The following GALK2 variants were observed in gnomAD, a reference collection of about 807,000 sequenced individuals.
GALK2 encodes the protein galactokinase 2, also known as N-acetylgalactosamine kinase.
In GALK2, 36 loss-of-function variants were observed where a neutral mutation model predicts 52.4. The observed-to-expected ratio is 0.69, with a 90% CI of 0.53 to 0.91. GALK2 has a LOEUF of 0.91. Ranked by LOEUF, GALK2 falls within the 40% of genes least tolerant of loss-of-function variation. GALK2 has a pLI of 0.00. For synonymous variants in GALK2, 176 were observed against 199.1 expected (o/e 0.88, Z 0.98); for missense variants, 579 against 559.1 (o/e 1.04, Z -0.36).
intron 3 of GALK2, among the ~76,000 whole-genome samples, chr15:49,347,930 A>T (rs1008299245): frequency 2.0e-5 from 3 of 149,622 alleles, no homozygotes; most frequent in African/African-American, 7.4e-5. Flanking sequence ...GAGGCAGGAG[A>T]ATTGTTTGAT....
chr15:49,261,282 C>T (rs530873072), intron 5 of GALK2, among the ~76,000 whole-genome samples: 1,495 of 147,824 alleles, frequency 0.01, 20 homozygotes, highest in African/African-American at 0.032. Context: ...AGGTCCTTCA[C>T]GTCCCTTGTA....
chr15:49,285,394 G>GC (rs1357307371), intron 7 of GALK2, among the ~76,000 whole-genome samples: 3 of 152,142 alleles, frequency 2.0e-5, no homozygotes, highest in Admixed American at 2.0e-4. Flanking sequence ...TGAAGGGATG[G>GC]CAGGAATTCA....
intron 9 of GALK2, among the ~76,000 whole-genome samples, chr15:49,322,263 C>T (rs1482895652): frequency 6.6e-6 from 1 of 152,156 alleles, no homozygotes; most frequent in Non-Finnish European, 1.5e-5. Context: ...AATTCAGGAG[C>T]TCCATCACTT....
At chr15:49,266,381 CAG>C (rs1292705421) in intron 5 of GALK2, among the ~76,000 whole-genome samples, 3 of 152,112 alleles carry the variant, frequency 2.0e-5, no homozygotes, top group East Asian at 1.9e-4. Context: ...GGAACGGAAA[CAG>C]AGAGGGGAAG....
At chr15:49,268,124 A>G (rs2092417202) in intron 5 of GALK2, among the ~76,000 whole-genome samples, 1 of 152,218 alleles carries the variant, frequency 6.6e-6, no homozygotes, top group Non-Finnish European at 1.5e-5. Context: ...TTTATCAACA[A>G]ATAGTTTAGG....
chr15:49,173,032 C>G (rs2085202924), intron 1 of GALK2, among the ~76,000 whole-genome samples: 1 of 152,190 alleles, frequency 6.6e-6, no homozygotes, highest in African/African-American at 2.4e-5. Context: ...CCAGCCATCC[C>G]TTAGATTATC....
chr15:49,212,222 A>T (rs527334099), intron 2 of GALK2, among the ~76,000 whole-genome samples: 1 of 152,200 alleles, frequency 6.6e-6, no homozygotes, highest in East Asian at 1.9e-4. Flanking sequence ...CCTCCCGAGT[A>T]GCTGGGATTA....
chr15:49,356,279 A>C (rs959416579), intron 3 of GALK2, among the ~76,000 whole-genome samples: 4 of 152,044 alleles, frequency 2.6e-5, no homozygotes, highest in South Asian at 2.1e-4. Context: ...ATTAAAAGAC[A>C]CAGACTGGCA....
intron 5 of GALK2, among the ~76,000 whole-genome samples, chr15:49,256,598 G>A (rs1368817067): frequency 2.0e-5 from 3 of 152,092 alleles, no homozygotes; most frequent in African/African-American, 4.8e-5. Flanking sequence ...AACCATTCAC[G>A]TATATTTGCT....
At chr15:49,195,551 T>G (rs1317032244) in intron 1 of GALK2, among the ~76,000 whole-genome samples, 1 of 152,240 alleles carries the variant, frequency 6.6e-6, no homozygotes, top group African/African-American at 2.4e-5. Flanking sequence ...TCTACTGATT[T>G]CTGTATATTA....
chr15:49,240,069 T>C (rs1266305134), intron 5 of GALK2, among the ~76,000 whole-genome samples: 2 of 152,200 alleles, frequency 1.3e-5, no homozygotes, highest in African/African-American at 2.4e-5. Flanking sequence ...CTTAGTCTCT[T>C]TTAAGCATGT....
At position 49,319,597 on chromosome 15, in the gene GALK2, T is replaced by A. The variant is rs766512583; in HGVS notation, c.968-7T>A. 1.9e-6 allele frequency: 3 copies of A among 1,613,742 alleles called. No homozygotes were observed. The African/African-American group carries it at 4.0e-5, about 22-fold the overall frequency. ...TAACCTCCTTCCCCATCCTCTTCCT[T>A]CCTCAGTGCTCATCTTCAAACTCTA... On this transcript the variant is annotated splice_polypyrimidine_tract_variant and splice_region_variant and intron_variant, in intron 8 of 9. Coordinates refer to ENST00000560031, the MANE Select transcript of GALK2 (RefSeq NM_002044.4).
Position 49,187,811 on chromosome 15 carries a change from C to T in GALK2, c.54-13351C>T, listed in dbSNP as rs986698802. On this transcript the variant is annotated intron_variant, in intron 1 of 9. Transcript: ENST00000560031. ...TCAGCTTGTAGTACATGCTCCTGGGCCTGGGATGCTCCCTTCAGGGTAGTG... is the reference window on the plus strand; with the variant it reads ...TCAGCTTGTAGTACATGCTCCTGGGTCTGGGATGCTCCCTTCAGGGTAGTG... 2.0e-5 allele frequency among the ~76,000 whole-genome samples: 3 copies of T among 152,018 alleles called. No individual in the cohort carries two copies. The South Asian group carries it at 6.2e-4, about 32-fold the overall frequency.
At chr15:49,358,964 C>T (rs71467673) in intron 3 of GALK2, among the ~76,000 whole-genome samples, 9,923 of 148,588 alleles carry the variant, frequency 0.067, 457 homozygotes, top group East Asian at 0.18. Context: ...CTTTGACAAA[C>T]CTGAGAAAAA....
At position 49,364,852 on chromosome 15, in the gene GALK2, AT is replaced by A. The variant is rs555116055; in HGVS notation, c.427-2628del. On this transcript the variant is annotated intron_variant, in intron 3 of 3. Transcript: ENST00000558399. ...AAAAAGCATAGGGATGGGTCAAGGC[AT>A]TTTTTTTTTTAAGAAAAATATACTC... Among the ~76,000 whole-genome samples, 499 of 148,208 alleles carry A rather than the reference AT, an allele frequency of 3.4e-3. 2 individuals carry two copies. The highest frequency in any genetic ancestry group is 0.017 in the Middle Eastern group (5 of 288).
intron 5 of GALK2, among the ~76,000 whole-genome samples, chr15:49,277,069 G>T (rs542164661): frequency 7.0e-6 from 1 of 143,622 alleles, no homozygotes; most frequent in African/African-American, 2.5e-5. Flanking sequence ...CGCCTCCTGG[G>T]TTCACGCCAT....
chr15:49,286,503 T>A (rs1165637503), intron 7 of GALK2, among the ~76,000 whole-genome samples: 1 of 152,220 alleles, frequency 6.6e-6, no homozygotes, highest in Non-Finnish European at 1.5e-5. Context: ...AAATTAGAGA[T>A]ATACTGAACG....
intron 8 of GALK2, among the ~76,000 whole-genome samples, chr15:49,300,595 GT>G (rs1475123662): frequency 2.0e-5 from 3 of 152,074 alleles, no homozygotes; most frequent in Non-Finnish European, 4.4e-5. Flanking sequence ...ATCCCGACAT[GT>G]CATGGGAGAG....
intron 1 of GALK2, among the ~76,000 whole-genome samples, chr15:49,171,532 A>T (rs1029575536): frequency 1.3e-5 from 2 of 152,116 alleles, no homozygotes; most frequent in South Asian, 2.1e-4. Flanking sequence ...TTCATCCTTA[A>T]ACCAGCAAAC....
Sources: allele counts gnomAD v4.1 joint callset (sites outside exome capture counted in the v4.1 genomes callset), GRCh38; gene constraint gnomAD v4.1.1; transcripts MANE v1.5; gene names NCBI Gene and HGNC (gene_info 2026-07-23, HGNC 2026-07-21).